ARHGAP32: variants seen among roughly 807,000 people sequenced by gnomAD.
The protein encoded by ARHGAP32 is Rho GTPase activating protein 32.
ARHGAP32 carries 51 observed loss-of-function variants against 186.5 expected under a neutral mutation model. The ratio of observed to expected loss-of-function variants is 0.27; its 90% CI spans 0.22 to 0.35. ARHGAP32 has a LOEUF of 0.35. Ranked by LOEUF, ARHGAP32 falls within the 10% of genes least tolerant of loss-of-function variation. The pLI is 1.00. For synonymous variants in ARHGAP32, 950 were observed against 964.3 expected (o/e 0.99, Z 0.27); for missense variants, 2,186 against 2,623.5 (o/e 0.83, Z 3.64).
At chr11:129,132,213 T>C (rs1942827724) in intron 2 of ARHGAP32, among the ~76,000 whole-genome samples, 1 of 152,204 alleles carries the variant, frequency 6.6e-6, no homozygotes, top group Non-Finnish European at 1.5e-5. Flanking sequence ...GCGCAGTAGC[T>C]CATGCCTGTA....
chr11:129,253,010 T>C (rs1323507077), intron 1 of ARHGAP32, among the ~76,000 whole-genome samples: 1 of 152,148 alleles, frequency 6.6e-6, no homozygotes, highest in Non-Finnish European at 1.5e-5. Flanking sequence ...ATAAGGAGGC[T>C]GCAGCAACAA....
rs1489797936 is a variant in ARHGAP32 at position 129,267,885 on chromosome 11, G to C, written c.-5+11261C>G. ...CATGGTGAGAGAGGAAGCAAGTGGAGGGAGGTACCAGGCTCTTTTCCACAA... is the reference window on the plus strand; with the variant it reads ...CATGGTGAGAGAGGAAGCAAGTGGACGGAGGTACCAGGCTCTTTTCCACAA... On this transcript the variant is annotated intron_variant, in intron 1 of 6. Transcript: ENST00000525234. Among the ~76,000 whole-genome samples, 3 of 152,116 alleles carry C rather than the reference G, an allele frequency of 2.0e-5. No homozygotes were observed. The East Asian group carries it at 5.8e-4, about 29-fold the overall frequency.
intron 11 of ARHGAP32, among the ~76,000 whole-genome samples, chr11:129,027,843 C>G (rs914397258): frequency 6.6e-6 from 1 of 152,156 alleles, no homozygotes; most frequent in Non-Finnish European, 1.5e-5. Context: ...AATACAAACA[C>G]CAAAATGGTG....
chr11:129,229,135 ATTATC>A (rs1478087350), intron 1 of ARHGAP32, among the ~76,000 whole-genome samples: 12 of 152,312 alleles, frequency 7.9e-5, no homozygotes, highest in Non-Finnish European at 1.5e-4. Flanking sequence ...AAAGAATACA[ATTATC>A]TTAACTGAAC....
At chr11:129,093,125 C>T (rs1941627685) in intron 6 of ARHGAP32, among the ~76,000 whole-genome samples, 1 of 152,032 alleles carries the variant, frequency 6.6e-6, no homozygotes, top group South Asian at 2.1e-4. Flanking sequence ...AACTTAATGT[C>T]TCAGTTAGAA....
chr11:128,974,137 T>C lies in ARHGAP32; in HGVS notation c.3060A>G (p.Gly1020=). 6.2e-7 allele frequency: 1 copy of C among 1,614,202 alleles called. No homozygotes were observed. Among genetic ancestry groups the C allele is most frequent in the Non-Finnish European group, 8.5e-7 (1 of 1,180,022 alleles). ...SSSQSKAVAS[G]QTQTGAVTHD... ...AACAAACGGTACCTGTCTGAGTCTG[T>C]CCAGAAGCTACAGCCTTACTCTGAC... Residue 1020 remains glycine, a synonymous_variant, in exon 21 of 23, where the codon GGA becomes GGG. Coordinates refer to ENST00000682385, the MANE Select transcript of ARHGAP32 (RefSeq NM_001378024.1).
intron 11 of ARHGAP32, among the ~76,000 whole-genome samples, chr11:129,040,561 A>G (rs1410262849): frequency 6.6e-6 from 1 of 152,186 alleles, no homozygotes; most frequent in Non-Finnish European, 1.5e-5. Context: ...TGCCCTGTTA[A>G]AATATACTTA....
At chr11:129,038,827 C>T (rs1939467965) in intron 11 of ARHGAP32, among the ~76,000 whole-genome samples, 1 of 138,472 alleles carries the variant, frequency 7.2e-6, no homozygotes, top group African/African-American at 2.7e-5. Flanking sequence ...TTGAGGGCTG[C>T]AGTGAGCTAT....
At chr11:129,065,459 G>C (rs1208185605) in intron 7 of ARHGAP32, among the ~76,000 whole-genome samples, 2 of 152,072 alleles carry the variant, frequency 1.3e-5, no homozygotes, top group Non-Finnish European at 2.9e-5. Flanking sequence ...TTCTAGCTCA[G>C]TCTGGCTGCT....
At chr11:128,998,544 C>T in intron 11 of ARHGAP32, 76 bp from the exon 12 acceptor site, 1 of 1,132,160 alleles carries the variant, frequency 8.8e-7, no homozygotes, top group South Asian at 2.5e-5. Context: ...ACAAACATAT[C>T]TCAAGAGGCT....
At chr11:129,248,233 A>G (rs1038998979) in intron 1 of ARHGAP32, among the ~76,000 whole-genome samples, 9 of 149,092 alleles carry the variant, frequency 6.0e-5, no homozygotes, top group African/African-American at 2.2e-4. Flanking sequence ...AAAAAAAAGG[A>G]AAGTGAAAGC....
intron 10 of ARHGAP32, among the ~76,000 whole-genome samples, chr11:129,055,487 G>A (rs1483294629): frequency 6.6e-6 from 1 of 152,166 alleles, no homozygotes; most frequent in Non-Finnish European, 1.5e-5. Context: ...GCACATAGAT[G>A]TTTATAGCAG....
chr11:129,268,732 T>C (rs898056722), intron 1 of ARHGAP32, among the ~76,000 whole-genome samples: 1 of 115,296 alleles, frequency 8.7e-6, no homozygotes, highest in African/African-American at 3.3e-5. Flanking sequence ...AGTTACTAAA[T>C]AGAAGACCAA....
At chr11:129,115,287 T>G (rs1193169028) in intron 5 of ARHGAP32, among the ~76,000 whole-genome samples, 1 of 152,140 alleles carries the variant, frequency 6.6e-6, no homozygotes, top group East Asian at 1.9e-4. Context: ...ACAGCAGAAT[T>G]ACATCTTACA....
intron 6 of ARHGAP32, among the ~76,000 whole-genome samples, chr11:129,083,283 G>GT (rs1054392295): frequency 6.6e-6 from 1 of 152,120 alleles, no homozygotes; most frequent in Non-Finnish European, 1.5e-5. Context: ...GCCCACACAT[G>GT]TTTATAGCAG....
intron 21 of ARHGAP32, 139 bp from the exon 22 acceptor site, chr11:128,973,571 C>T: frequency 2.3e-6 from 2 of 883,012 alleles, no homozygotes; most frequent in Middle Eastern, 3.5e-4. Flanking sequence ...GATCTTCTAT[C>T]CCACATGCAA....
At chr11:129,034,004 T>C (rs897619542) in intron 11 of ARHGAP32, among the ~76,000 whole-genome samples, 1 of 152,248 alleles carries the variant, frequency 6.6e-6, no homozygotes, top group African/African-American at 2.4e-5. Flanking sequence ...TGACATCTAT[T>C]ACAGTAAGTT....
intron 2 of ARHGAP32, among the ~76,000 whole-genome samples, chr11:129,151,808 AAC>A (rs1484249042): frequency 2.0e-5 from 3 of 152,188 alleles, no homozygotes; most frequent in African/African-American, 7.2e-5. Flanking sequence ...ACCTCAAGGA[AAC>A]AGAGAAACAC....
chr11:129,223,591 C>G (rs1944741231), intron 1 of ARHGAP32, among the ~76,000 whole-genome samples: 1 of 152,126 alleles, frequency 6.6e-6, no homozygotes, highest in Non-Finnish European at 1.5e-5. Context: ...TGTTTGCTTA[C>G]TTTTATGAAT....
Sources: allele counts gnomAD v4.1 joint callset (sites outside exome capture counted in the v4.1 genomes callset), GRCh38; gene constraint gnomAD v4.1.1; transcripts MANE v1.5; gene names NCBI Gene and HGNC (gene_info 2026-07-23, HGNC 2026-07-21).